The following ASNS variants were observed in gnomAD, a reference collection of about 807,000 sequenced individuals.
ASNS encodes the protein asparagine synthetase (glutamine-hydrolyzing), also known as asparagine synthetase [glutamine-hydrolyzing].
ASNS carries 37 observed loss-of-function variants against 62.6 expected under a neutral mutation model. The observed-to-expected ratio is 0.59, with a 90% CI of 0.45 to 0.78. The LOEUF (loss-of-function observed/expected upper bound fraction) is 0.78. Ranked by LOEUF, ASNS falls within the 30% of genes least tolerant of loss-of-function variation. The pLI is 0.00. For missense variants in ASNS, 520 were observed against 682.4 expected (o/e 0.76, Z 2.65); for synonymous variants, 207 against 237.9 (o/e 0.87, Z 1.19).
the ASNS span, among the ~76,000 whole-genome samples, chr7:97,915,647 A>C: frequency 1.3e-5 from 2 of 152,106 alleles, no homozygotes; most frequent in African/African-American, 4.8e-5. Context: ...GGCGTCCCTG[A>C]GGATGTAGTG....
the ASNS span, among the ~76,000 whole-genome samples, chr7:97,899,953 A>C: frequency 6.6e-6 from 1 of 152,268 alleles, no homozygotes; most frequent in Non-Finnish European, 1.5e-5. Context: ...AAGACATACA[A>C]GTGGCCAATA....
chr7:97,918,787 A>G, the ASNS span, among the ~76,000 whole-genome samples: 6,427 of 152,122 alleles, frequency 0.042, 316 homozygotes, highest in African/African-American at 0.11. Context: ...GGGGGTGGGG[A>G]ACAAGGGGTG....
At chr7:97,861,863 A>C (rs1208038726) in intron 4 of ASNS, among the ~76,000 whole-genome samples, 1 of 152,220 alleles carries the variant, frequency 6.6e-6, no homozygotes, top group Non-Finnish European at 1.5e-5. Flanking sequence ...TAGTTTTCAG[A>C]GTACAAGTTT....
At chr7:97,861,753 G>C (rs1047392324) in intron 4 of ASNS, among the ~76,000 whole-genome samples, 5 of 152,130 alleles carry the variant, frequency 3.3e-5, no homozygotes, top group Non-Finnish European at 7.4e-5. Context: ...ATCAGTTTAG[G>C]GAGGACTGCC....
the ASNS span, among the ~76,000 whole-genome samples, chr7:97,887,308 A>C: frequency 6.6e-6 from 1 of 152,202 alleles, no homozygotes; most frequent in South Asian, 2.1e-4. Flanking sequence ...TGCAGCCAGA[A>C]GCATTCAGGC....
At chr7:97,923,018 G>C in the ASNS span, among the ~76,000 whole-genome samples, 3 of 152,092 alleles carry the variant, frequency 2.0e-5, no homozygotes, top group Non-Finnish European at 2.9e-5. Context: ...TCGAACTCCT[G>C]ACCTTAGGTG....
chr7:97,894,480 C>CAAAAAAAAAAAAA, the ASNS span, among the ~76,000 whole-genome samples: 6 of 36,546 alleles, frequency 1.6e-4, no homozygotes, highest in Admixed American at 3.8e-4. Flanking sequence ...TGAGGCTAAC[C>CAAAAAAAAAAAAA]AAAAAAAAAA....
chr7:97,875,735 T>C (rs1584483671), upstream of ASNS, among the ~76,000 whole-genome samples: 1 of 152,344 alleles, frequency 6.6e-6, no homozygotes, highest in African/African-American at 2.4e-5. Flanking sequence ...AATAGCCACA[T>C]TGATTTTCCC....
chr7:97,876,453 G>T (rs1250022336), upstream of ASNS, among the ~76,000 whole-genome samples: 2 of 146,452 alleles, frequency 1.4e-5, no homozygotes, highest in East Asian at 4.1e-4. Flanking sequence ...TTTTGAGACG[G>T]AGTCTTGCTC....
At chr7:97,877,716 GT>G in the ASNS span, among the ~76,000 whole-genome samples, 6 of 152,204 alleles carry the variant, frequency 3.9e-5, no homozygotes, top group Non-Finnish European at 7.3e-5. Context: ...GAGGCTAAGG[GT>G]TGAATCTCTG....
At position 97,859,453 on chromosome 7, in the gene ASNS, T is replaced by G. The variant is rs1791614730; in HGVS notation, c.488-55A>C. The stretch of plus-strand genomic sequence containing the variant: ...AATTAGGTAACCCTTCCCAATAACT[T>G]TCACGATTAGTTAACATCATCTACA... On this transcript the variant is annotated intron_variant, in intron 4 of 12. Transcript: ENST00000394308. 26 of 1,502,016 alleles carry G rather than the reference T, an allele frequency of 1.7e-5. No individual in the cohort carries two copies. In the South Asian group the frequency reaches 3.2e-4, roughly 19 times the overall value. 93.0% of individuals were successfully genotyped at this position (1,502,016 alleles called of 1,614,324 possible). A position where few individuals can be genotyped will look rare whatever the true frequency, so the allele number is the denominator to read the frequency against.
At position 97,852,453 on chromosome 7, in the gene ASNS, T is replaced by G; in HGVS notation, c.1492A>C (p.Met498Leu). 1 of 1,614,150 alleles carries G rather than the reference T, an allele frequency of 6.2e-7. No individual in the cohort carries two copies. The highest frequency in any genetic ancestry group is 8.5e-7 in the Non-Finnish European group (1 of 1,180,010). ...YVEHQVDDAM[M>L]ANAAQKFPFN... ...GGAAATTTCTGGGCTGCATTTGCCA[T>G]CATTGCATCATCAACCTGTAAGAAT... The change falls in exon 13 of 13, where the codon ATG (methionine) becomes CTG (leucine). Residue 498 changes from methionine (M) to leucine (L), a missense_variant. Coordinates refer to ENST00000394308, the MANE Select transcript of ASNS (RefSeq NM_001673.5).
the ASNS span, among the ~76,000 whole-genome samples, chr7:97,892,002 G>A: frequency 6.6e-6 from 1 of 152,216 alleles, no homozygotes; most frequent in Non-Finnish European, 1.5e-5. Context: ...CTTCTGCACT[G>A]CCCTAGTAGA....
chr7:97,858,258 G>A lies in ASNS; in HGVS notation c.903+20C>T, dbSNP rs1413332428. On this transcript the variant is annotated intron_variant, in intron 7 of 12. Coordinates refer to ENST00000394308, the MANE Select transcript of ASNS (RefSeq NM_001673.5). The stretch of plus-strand genomic sequence containing the variant: ...GTCTACTCTAACTACACTACACAAG[G>A]GACAGAGACAGCACCTTACCTTTCT... The A allele has an allele frequency of 3.7e-6, 6 of 1,611,736 alleles. No individual in the cohort carries two copies. Among genetic ancestry groups the A allele is most frequent in the Non-Finnish European group, 5.1e-6 (6 of 1,179,640 alleles).
the ASNS span, among the ~76,000 whole-genome samples, chr7:97,922,030 CGACAAATACCACAT>C: frequency 1.3e-5 from 2 of 152,128 alleles, no homozygotes; most frequent in East Asian, 3.9e-4. Context: ...AGGCACAAAA[CGACAAATACCACAT>C]GATCTCACTT....
At chr7:97,855,002 G>C in intron 9 of ASNS, 1 of 363,998 alleles carries the variant, frequency 2.7e-6, no homozygotes, top group South Asian at 3.6e-5. Flanking sequence ...TTAAGAGACG[G>C]GGTCTTACTC....
the ASNS span, among the ~76,000 whole-genome samples, chr7:97,886,582 C>A: frequency 6.6e-6 from 1 of 151,386 alleles, no homozygotes; most frequent in African/African-American, 2.4e-5. Flanking sequence ...AGAAGTGGGG[C>A]CAAAAAAGAT....
chr7:97,916,817 G>C, the ASNS span, among the ~76,000 whole-genome samples: 1 of 152,290 alleles, frequency 6.6e-6, no homozygotes, highest in Admixed American at 6.5e-5. Context: ...TGTCTGGCTG[G>C]GCAGCCGAGC....
chr7:97,904,066 T>C, the ASNS span, among the ~76,000 whole-genome samples: 1 of 152,122 alleles, frequency 6.6e-6, no homozygotes, highest in Non-Finnish European at 1.5e-5. Flanking sequence ...AAGACTGAAG[T>C]AGTGCAAGTC....
Sources: gnomAD v4.1 joint callset for allele counts (sites outside exome capture counted in the v4.1 genomes callset) on GRCh38, gnomAD v4.1.1 for gene constraint, MANE v1.5 for transcripts, NCBI Gene and HGNC (gene_info 2026-07-23, HGNC 2026-07-21) for gene names.